GCM1: variants seen among roughly 807,000 people sequenced by gnomAD.
GCM1 encodes the protein GCM transcription factor 1.
In GCM1, 2 loss-of-function variants were observed where a neutral mutation model predicts 25.7. The ratio of observed to expected loss-of-function variants is 0.08; its 90% confidence interval spans 0.03 to 0.24. The LOEUF (loss-of-function observed/expected upper bound fraction) is 0.24. Ranked by LOEUF, GCM1 falls within the 10% of genes least tolerant of loss-of-function variation. The pLI, the probability that GCM1 is intolerant of heterozygous loss-of-function variation, is 1.00. For missense variants in GCM1, 395 were observed against 538.7 expected, an observed-to-expected ratio of 0.73 and a Z score of 2.64; for synonymous variants, 183 against 195.7, an observed-to-expected ratio of 0.94 and a Z score of 0.54.
chr6:53,140,898 A>C (rs2127510048), intron 2 of GCM1, among the ~76,000 whole-genome samples: 1 of 152,370 alleles, frequency 6.6e-6, no homozygotes, highest in Middle Eastern at 3.4e-3. Flanking sequence ...ATTTTAAATC[A>C]AGACTAAATC....
intron 2 of GCM1, among the ~76,000 whole-genome samples, chr6:53,137,892 A>T (rs1386604725): frequency 6.6e-6 from 1 of 151,952 alleles, no homozygotes; most frequent in Non-Finnish European, 1.5e-5. Context: ...TAAAGCAAAG[A>T]CTCCTTGCCT....
At position 53,128,648 on chromosome 6, in the gene GCM1, T is replaced by G; in HGVS notation, c.869A>C (p.Asp290Ala). ...LPPSASGVYSDHGDLQAWSKN... is the reference protein window; with the variant it reads ...LPPSASGVYSAHGDLQAWSKN... ...ACTCCACGCTTGTAGATCGCCATGA[T>G]CAGAGTAGACTCCGGAGGCAGAAGG... is the stretch of plus-strand genomic sequence containing the variant. Residue 290 changes from aspartate to alanine, a missense_variant, in exon 6 of 6, where the codon GAT becomes GCT. By Grantham distance (126) the Asp-to-Ala change is moderately radical (BLOSUM62 -2). This residue lies in a region of GCM1 where 291 missense variants were observed against 314.6 expected (regional missense o/e 0.92). Coordinates refer to ENST00000259803, the MANE Select transcript of GCM1 (RefSeq NM_003643.4). 6.2e-7 allele frequency: 1 copy of G among 1,613,986 alleles called. No individual in the cohort carries two copies. The highest frequency in any genetic ancestry group is 8.5e-7 in the Non-Finnish European group (1 of 1,179,862).
At chr6:53,145,250 C>T (rs977948661) in intron 2 of GCM1, among the ~76,000 whole-genome samples, 3 of 152,170 alleles carry the variant, frequency 2.0e-5, no homozygotes, top group Admixed American at 6.5e-5. Context: ...TAAATCATCA[C>T]GGATTTTATC....
chr6:53,138,278 CAAAA>C (rs566559211), intron 2 of GCM1, among the ~76,000 whole-genome samples: 2 of 89,218 alleles, frequency 2.2e-5, no homozygotes, highest in Non-Finnish European at 2.1e-5. Context: ...TGCTTTGTCT[CAAAA>C]AAAAAAAAAA....
chr6:53,128,298 T>C lies in GCM1; in HGVS notation c.1219A>G (p.Ser407Gly). 2 of 1,613,950 alleles carry C rather than the reference T, an allele frequency of 1.2e-6. No homozygotes were observed. Among genetic ancestry groups the C allele is most frequent in the South Asian group, 1.1e-5 (1 of 91,078 alleles). The change falls in exon 6 of 6, where the codon AGC becomes GGC. Residue 407 changes from serine to glycine, a missense_variant. Ser to Gly is a moderately conservative substitution (Grantham distance 56). Transcript: ENST00000259803. ...TCTTCCTCAAAATCCCATTTGCTGC[T>C]CTTGCTTGGCAGTGAATATTGCTGA... ...PHQQYSLPSKSSKWDFEEEMT... is the reference protein window; with the variant it reads ...PHQQYSLPSKGSKWDFEEEMT...
intron 3 of GCM1, among the ~76,000 whole-genome samples, chr6:53,133,102 C>T (rs1763748314): frequency 1.3e-5 from 2 of 152,180 alleles, no homozygotes; most frequent in South Asian, 2.1e-4. Flanking sequence ...AGTGGCAAGT[C>T]CAATAAACTA....
rs542740556 is a variant in GCM1, at chr6:53,146,284, A to T, written c.-136-516T>A. Reference sequence around the variant, plus strand: ...ACCCAGGCTGGAGTGCAATGGAGTGATCTCGGCTTACTGCAACCTCTGCCT... The same window carrying T: ...ACCCAGGCTGGAGTGCAATGGAGTGTTCTCGGCTTACTGCAACCTCTGCCT... On this transcript the variant is annotated intron_variant, in intron 1 of 5. Transcript: ENST00000259803. Among the ~76,000 whole-genome samples, 3 of 140,322 alleles carry T rather than the reference A, an allele frequency of 2.1e-5. No homozygotes were observed. The Admixed American group carries it at 2.4e-4, about 11-fold the overall frequency. 92.1% of individuals were successfully genotyped at this position (140,322 alleles called of 152,430 possible).
chr6:53,136,336 T>G (rs1219844137), intron 2 of GCM1, among the ~76,000 whole-genome samples: 1 of 152,248 alleles, frequency 6.6e-6, no homozygotes, highest in East Asian at 1.9e-4. Context: ...AGTCTGAGAT[T>G]GCTGGCTGTA....
chr6:53,133,990 G>A (rs2816346), intron 3 of GCM1, 82 bp downstream of exon 3: 969,646 of 1,349,444 alleles, frequency 0.72, 350,999 homozygotes, highest in Admixed American at 0.77. Context: ...GCCCTTGGGC[G>A]GTGCTGGGAC....
At chr6:53,142,778 A>AC (rs1388716291) in intron 2 of GCM1, among the ~76,000 whole-genome samples, 1 of 151,368 alleles carries the variant, frequency 6.6e-6, no homozygotes, top group African/African-American at 2.4e-5. Context: ...GACTATTAGA[A>AC]CTAATAGGTA....
rs1763658347 is a variant in GCM1 at position 53,127,604 on chromosome 6, A to G, written c.*602T>C. The G allele has an allele frequency of 6.6e-6, 1 of 152,332 alleles. No homozygotes were observed. Among genetic ancestry groups the G allele is most frequent in the African/African-American group, 2.4e-5 (1 of 41,466 alleles). The allele number at this position is 152,332 out of a possible 1,614,324, so 9.4% of individuals were successfully genotyped here. On this transcript the variant is annotated 3_prime_UTR_variant, in exon 6 of 6. Transcript: ENST00000259803. ...CATGCAATGTGGCTGAGGTGCTGGG[A>G]ACCCCAAACAATGTGGGGGAAAAAG...
chr6:53,131,181 A>T (rs1446207123), intron 4 of GCM1, among the ~76,000 whole-genome samples: 1 of 152,196 alleles, frequency 6.6e-6, no homozygotes, highest in Non-Finnish European at 1.5e-5. Flanking sequence ...TTCCTGTGGT[A>T]TGTGCCAGAC....
At chr6:53,143,539 C>T (rs4132340) in intron 2 of GCM1, among the ~76,000 whole-genome samples, 2 of 152,016 alleles carry the variant, frequency 1.3e-5, no homozygotes, top group Non-Finnish European at 2.9e-5. Flanking sequence ...TTTCGTGTCT[C>T]TCCAACTTCT....
At position 53,128,529 on chromosome 6, in the gene GCM1, A is replaced by G. The variant is rs1581847801; in HGVS notation, c.988T>C (p.Ser330Pro). Reference sequence around the variant, plus strand: ...TAAAAGGGTTCTGAAGAGTTTTGGGAAGGAGAGAAGCTGCAAGGCCAGCTG... The same window carrying G: ...TAAAAGGGTTCTGAAGAGTTTTGGGGAGGAGAGAAGCTGCAAGGCCAGCTG... ...LTSWPCSFSP[S>P]QNSSEPFYQQ... Residue 330 changes from serine to proline, a missense_variant, in exon 6 of 6, where the codon TCC becomes CCC. Around this residue, in one of 5 missense-constraint regions of GCM1, gnomAD observed 291 missense variants for 314.6 expected, o/e 0.92. Transcript: ENST00000259803. 3.1e-6 allele frequency: 5 copies of G among 1,614,064 alleles called. No individual in the cohort carries two copies. Among genetic ancestry groups the G allele is most frequent in the Non-Finnish European group, 4.2e-6 (5 of 1,179,930 alleles).
intron 2 of GCM1, among the ~76,000 whole-genome samples, chr6:53,137,891 G>GAC (rs753879739): frequency 6.6e-6 from 1 of 152,162 alleles, no homozygotes; most frequent in Non-Finnish European, 1.5e-5. Context: ...TTAAAGCAAA[G>GAC]ACTCCTTGCC....
chr6:53,145,966 C>T (rs535171434), intron 1 of GCM1, among the ~76,000 whole-genome samples, 198 bp from the exon 2 acceptor site: 52 of 152,142 alleles, frequency 3.4e-4, no homozygotes, highest in Admixed American at 3.1e-3. Flanking sequence ...TCACTGCTTT[C>T]ACCCTTGGGT....
chr6:53,144,573 C>T (rs1763926221), intron 2 of GCM1, among the ~76,000 whole-genome samples: 1 of 150,930 alleles, frequency 6.6e-6, no homozygotes, highest in South Asian at 2.1e-4. Flanking sequence ...CGAGTGATTG[C>T]TTGAGCCCAG....
chr6:53,145,812 A>C (rs112412851), intron 1 of GCM1, 44 bp from the exon 2 acceptor site: 1 of 333,796 alleles, frequency 3.0e-6, no homozygotes, highest in South Asian at 5.0e-5. Context: ...AAAGAGATTT[A>C]AAAAAAAACC....
rs1263617391 is a variant in GCM1, at chr6:53,127,111, C to T, written c.*1095G>A. ...CCAGGCTAATTGCACAAGAGCTTCT[C>T]CAAGCAAATATTTCTCACCTATTAC... On this transcript the variant is annotated 3_prime_UTR_variant, in exon 6 of 6. Coordinates refer to ENST00000259803, the MANE Select transcript of GCM1 (RefSeq NM_003643.4). 3 of 152,138 alleles carry T rather than the reference C, an allele frequency of 2.0e-5. No individual in the cohort carries two copies. Among genetic ancestry groups the T allele is most frequent in the Non-Finnish European group, 4.4e-5 (3 of 68,032 alleles). The allele number at this position is 152,138 out of a possible 1,614,324, so 9.4% of individuals were successfully genotyped here.
Sources: allele counts gnomAD v4.1 joint callset (sites outside exome capture counted in the v4.1 genomes callset), GRCh38; gene constraint gnomAD v4.1.1; regional missense constraint gnomAD v4.1.1; transcripts MANE v1.5; gene names NCBI Gene and HGNC (gene_info 2026-07-23, HGNC 2026-07-21).